Variants in ATP8A2 observed in about 807,000 individuals in gnomAD.
The protein encoded by ATP8A2 is ATPase phospholipid transporting 8A2.
In ATP8A2, 100 loss-of-function variants were observed where a neutral mutation model predicts 165.6. The observed-to-expected ratio is 0.60, with a 90% CI of 0.51 to 0.71. ATP8A2 has a LOEUF of 0.71. Ranked by LOEUF, ATP8A2 falls within the 30% of genes least tolerant of loss-of-function variation. The pLI is 0.00. For missense variants in ATP8A2, 1,227 were observed against 1,479.5 expected (o/e 0.83, Z 2.80); for synonymous variants, 543 against 548.8 (o/e 0.99, Z 0.15).
chr13:25,434,427 C>A (rs1019405619), intron 1 of ATP8A2, among the ~76,000 whole-genome samples: 1 of 152,100 alleles, frequency 6.6e-6, no homozygotes, highest in Admixed American at 6.5e-5. Context: ...TGGCTCACTG[C>A]AACCTCTGCC....
rs187960181 is a variant in ATP8A2 at position 25,894,494 on chromosome 13, C to T, written c.3183+32086C>T. On this transcript the variant is annotated intron_variant, in intron 33 of 36. Transcript: ENST00000381655. ...GATGCCTCCAGCTTTGTTCTTTTGG[C>T]TTAGGATTGACTTGGCAATATGGGC... Among the ~76,000 whole-genome samples, 473 of 151,992 alleles carry T rather than the reference C, an allele frequency of 3.1e-3. 4 individuals carry two copies. The highest frequency in any genetic ancestry group is 0.011 in the African/African-American group (450 of 41,448).
intron 1 of ATP8A2, among the ~76,000 whole-genome samples, chr13:25,435,937 G>A (rs376747691): frequency 6.9e-6 from 1 of 144,168 alleles, no homozygotes; most frequent in Non-Finnish European, 1.5e-5. Flanking sequence ...GTGTGAGTGT[G>A]TGTGTGTGTG....
chr13:25,836,512 C>T (rs1271080259), intron 28 of ATP8A2, among the ~76,000 whole-genome samples: 1 of 152,184 alleles, frequency 6.6e-6, no homozygotes, highest in Non-Finnish European at 1.5e-5. Context: ...TCTCCCTTCT[C>T]CTTCTGCGTC....
chr13:25,821,001 A>G (rs947566794), intron 27 of ATP8A2, among the ~76,000 whole-genome samples: 1 of 152,056 alleles, frequency 6.6e-6, no homozygotes, highest in Non-Finnish European at 1.5e-5. Flanking sequence ...AACAGGTCCA[A>G]TCATCTAATG....
At chr13:25,550,521 G>T (rs2038788326) in intron 10 of ATP8A2, among the ~76,000 whole-genome samples, 1 of 152,156 alleles carries the variant, frequency 6.6e-6, no homozygotes, top group Non-Finnish European at 1.5e-5. Context: ...CTGAACTGGA[G>T]TGATTCTTGA....
chr13:25,705,330 C>T (rs959148709), intron 25 of ATP8A2: 4 of 205,450 alleles, frequency 1.9e-5, no homozygotes, highest in African/African-American at 2.4e-5. Flanking sequence ...GTGATGGCCC[C>T]ATCAGAGTCC....
chr13:25,958,759 T>A (rs1021131187), intron 33 of ATP8A2, among the ~76,000 whole-genome samples: 33 of 152,216 alleles, frequency 2.2e-4, no homozygotes, highest in African/African-American at 8.0e-4. Flanking sequence ...AGCTCCTAGT[T>A]TTGAAGACCA....
intron 26 of ATP8A2, among the ~76,000 whole-genome samples, chr13:25,772,608 A>C (rs1207023397): frequency 6.6e-6 from 1 of 152,078 alleles, no homozygotes; most frequent in East Asian, 1.9e-4. Context: ...GACTCCACCT[A>C]GGATGGAGTC....
intron 24 of ATP8A2, among the ~76,000 whole-genome samples, chr13:25,675,144 C>T (rs1005456337): frequency 6.6e-6 from 1 of 152,184 alleles, no homozygotes. Context: ...ATGAAGCAGA[C>T]ATGGTGGAGC....
intron 30 of ATP8A2, among the ~76,000 whole-genome samples, chr13:25,857,248 G>C (rs1258593813): frequency 6.6e-6 from 1 of 152,128 alleles, no homozygotes; most frequent in Non-Finnish European, 1.5e-5. Context: ...TCACCCTGTA[G>C]ATCCCCATTT....
At chr13:25,774,475 C>T (rs1418324768) in intron 26 of ATP8A2, among the ~76,000 whole-genome samples, 1 of 152,064 alleles carries the variant, frequency 6.6e-6, no homozygotes, top group Non-Finnish European at 1.5e-5. Flanking sequence ...ACCTAGGTGA[C>T]GGGTTGATAA....
At chr13:25,725,305 GC>G (rs1270544384) in intron 25 of ATP8A2, among the ~76,000 whole-genome samples, 1 of 152,242 alleles carries the variant, frequency 6.6e-6, no homozygotes, top group Non-Finnish European at 1.5e-5. Flanking sequence ...TTCAGGCAAA[GC>G]CTGAGTGAGG....
chr13:25,849,366 C>T (rs1381787954), intron 30 of ATP8A2, among the ~76,000 whole-genome samples: 2 of 152,150 alleles, frequency 1.3e-5, no homozygotes, highest in African/African-American at 4.8e-5. Context: ...GAAATTTTGC[C>T]TTTGTCAGAG....
chr13:25,973,369 C>A (rs1053632590), intron 35 of ATP8A2, among the ~76,000 whole-genome samples: 1 of 152,170 alleles, frequency 6.6e-6, no homozygotes. Flanking sequence ...TCTTGCTCTG[C>A]GGCTTCCATT....
intron 27 of ATP8A2, among the ~76,000 whole-genome samples, chr13:25,822,992 A>G (rs530294965): frequency 6.6e-6 from 1 of 152,380 alleles, no homozygotes; most frequent in Non-Finnish European, 1.5e-5. Context: ...TGGGATAAAG[A>G]TGACTTATTA....
rs763590559 is a variant in ATP8A2 at position 25,862,308 on chromosome 13, A to C, written c.3083A>C (p.His1028Pro). ...GTCTATTTCCCTCTGCAGTTCAGTC[A>C]TCTGGCTGTCTGGGGAAGCATGCTG... ...LETTAWTKFSHLAVWGSMLTW... is the reference protein window; with the variant it reads ...LETTAWTKFSPLAVWGSMLTW... The change falls in exon 33 of 37, where the codon CAT becomes CCT. Residue 1028 changes from histidine (H) to proline (P), a missense_variant. His to Pro is a moderately conservative substitution (Grantham distance 77). Transcript: ENST00000381655. 1 of 1,613,826 alleles carries C rather than the reference A, an allele frequency of 6.2e-7. No individual in the cohort carries two copies. Among genetic ancestry groups the C allele is most frequent in the Non-Finnish European group, 8.5e-7 (1 of 1,179,840 alleles).
Position 25,817,360 on chromosome 13 carries a change from GGGA to G in ATP8A2, c.2680-10757_2680-10755del, listed in dbSNP as rs1477903387. ...TATTATGGTCTTTTATGGGGGGGGG[GGGA>G]AACACGATTTTGTGTTTACCTGATG... On this transcript the variant is annotated intron_variant, in intron 27 of 36. Coordinates refer to ENST00000381655, the MANE Select transcript of ATP8A2 (RefSeq NM_016529.6). 1.3e-4 allele frequency among the ~76,000 whole-genome samples: 17 copies of G among 126,156 alleles called. No individual in the cohort carries two copies. The East Asian group carries it at 3.5e-3, about 26-fold the overall frequency. The allele number at this position is 126,156 out of a possible 152,430, so 82.8% of individuals were successfully genotyped here. A position where few individuals can be genotyped will look rare whatever the true frequency, so the allele number is the denominator to read the frequency against.
chr13:25,630,210 G>A (rs1331685833), intron 24 of ATP8A2, among the ~76,000 whole-genome samples: 1 of 152,072 alleles, frequency 6.6e-6, no homozygotes, highest in Admixed American at 6.6e-5. Context: ...GGTGGTACAG[G>A]GATTTAAGTT....
intron 1 of ATP8A2, among the ~76,000 whole-genome samples, chr13:25,428,788 T>C (rs59106802): frequency 0.024 from 3,628 of 152,292 alleles, 152 homozygotes; most frequent in African/African-American, 0.082. Context: ...CCCCAGGGTC[T>C]TTCCAATGTT....
Sources: gnomAD v4.1 joint callset for allele counts (sites outside exome capture counted in the v4.1 genomes callset) on GRCh38, gnomAD v4.1.1 for gene constraint, MANE v1.5 for transcripts, NCBI Gene and HGNC (gene_info 2026-07-23, HGNC 2026-07-21) for gene names.